The following CCDC171 variants were observed in gnomAD, a reference collection of about 807,000 sequenced individuals.
CCDC171 encodes the protein coiled-coil domain-containing protein 171.
Under a neutral mutation model 168.2 loss-of-function variants are expected in CCDC171, and 177 were observed. The observed-to-expected ratio is 1.05, with a 90% CI of 0.93 to 1.19. The LOEUF (loss-of-function observed/expected upper bound fraction) is 1.19, where lower values mean the gene tolerates loss of function less well. CCDC171 is among the 50% of genes most tolerant of loss of function. CCDC171 has a pLI of 0.00. For synonymous variants in CCDC171, 687 were observed against 540.8 expected (o/e 1.27, Z -3.75); for missense variants, 1,991 against 1,539.0 (o/e 1.29, Z -4.91).
At chr9:15,669,050 T>C (rs2048925784) in intron 9 of CCDC171, among the ~76,000 whole-genome samples, 1 of 152,120 alleles carries the variant, frequency 6.6e-6, no homozygotes, top group African/African-American at 2.4e-5. Flanking sequence ...AACCTGCCAT[T>C]GGTTAAGGTT....
intron 23 of CCDC171, among the ~76,000 whole-genome samples, chr9:15,854,173 A>T (rs1487647588): frequency 6.6e-6 from 1 of 150,892 alleles, no homozygotes; most frequent in African/African-American, 2.4e-5. Context: ...TTTGAGAGAG[A>T]TTAGTGTTAA....
At chr9:15,934,411 G>GA (rs1826878727) in intron 25 of CCDC171, among the ~76,000 whole-genome samples, 2 of 144,146 alleles carry the variant, frequency 1.4e-5, no homozygotes, top group African/African-American at 5.1e-5. Context: ...AAAAAGAAAA[G>GA]AAAAGAAAGA....
At chr9:15,751,903 A>G (rs2055770480) in intron 18 of CCDC171, among the ~76,000 whole-genome samples, 1 of 152,232 alleles carries the variant, frequency 6.6e-6, no homozygotes, top group Non-Finnish European at 1.5e-5. Flanking sequence ...GCTAAAATAG[A>G]CAAATGGAAT....
chr9:15,687,301 A>G (rs1038099620), intron 10 of CCDC171, among the ~76,000 whole-genome samples: 6 of 151,968 alleles, frequency 3.9e-5, no homozygotes, highest in African/African-American at 9.7e-5. Context: ...TCTATATTCA[A>G]AAAAAATACT....
At chr9:15,594,826 C>CA (rs1398359123) in intron 6 of CCDC171, among the ~76,000 whole-genome samples, 1 of 152,112 alleles carries the variant, frequency 6.6e-6, no homozygotes, top group Non-Finnish European at 1.5e-5. Context: ...AGGAGAAACT[C>CA]AAACTAGTGT....
At chr9:15,934,137 A>G (rs374961969) in intron 25 of CCDC171, among the ~76,000 whole-genome samples, 1 of 151,824 alleles carries the variant, frequency 6.6e-6, no homozygotes, top group African/African-American at 2.4e-5. Flanking sequence ...TCCATAGAAG[A>G]TATGCAAATG....
chr9:15,646,465 T>C (rs938026356), intron 7 of CCDC171, among the ~76,000 whole-genome samples: 5 of 152,138 alleles, frequency 3.3e-5, no homozygotes, highest in African/African-American at 1.2e-4. Context: ...GCAAATTGGA[T>C]AAAGATTCAA....
At chr9:15,846,902 A>G (rs955836630) in intron 22 of CCDC171, 55 bp downstream of exon 22, 128 of 1,488,584 alleles carry the variant, frequency 8.6e-5, no homozygotes, top group African/African-American at 7.0e-5. Context: ...ATCAATTCTT[A>G]CTTTCATGCT....
downstream of CCDC171, among the ~76,000 whole-genome samples, chr9:16,065,679 C>A (rs1211879194): frequency 1.3e-5 from 2 of 152,126 alleles, no homozygotes; most frequent in Non-Finnish European, 2.9e-5. Flanking sequence ...TTATTCACTC[C>A]AAGAGAACTC....
intron 25 of CCDC171, among the ~76,000 whole-genome samples, chr9:15,955,135 A>G (rs1273671386): frequency 6.6e-6 from 1 of 152,128 alleles, no homozygotes; most frequent in Non-Finnish European, 1.5e-5. Context: ...TGTGTCAAGG[A>G]TCAGCCTGAG....
intron 18 of CCDC171, among the ~76,000 whole-genome samples, chr9:15,761,485 T>C (rs2056442216): frequency 6.6e-6 from 1 of 152,308 alleles, no homozygotes; most frequent in East Asian, 1.9e-4. Flanking sequence ...AAGGGCATTG[T>C]CATCAACTGG....
At chr9:15,916,530 A>C (rs1824546087) in intron 24 of CCDC171, among the ~76,000 whole-genome samples, 1 of 152,066 alleles carries the variant, frequency 6.6e-6, no homozygotes, top group Admixed American at 6.6e-5. Flanking sequence ...TTTGGCATGT[A>C]GGCTTTATGA....
the CCDC171 span, among the ~76,000 whole-genome samples, chr9:16,077,035 T>C: frequency 2.0e-5 from 3 of 152,204 alleles, no homozygotes; most frequent in Non-Finnish European, 4.4e-5. Context: ...CCAACAATAA[T>C]GCAACAGGCA....
intron 9 of CCDC171, among the ~76,000 whole-genome samples, chr9:15,669,646 C>T (rs1021905679): frequency 6.6e-6 from 1 of 152,084 alleles, no homozygotes; most frequent in Non-Finnish European, 1.5e-5. Flanking sequence ...TTAGCTGTGA[C>T]AACTGATTGC....
At chr9:15,863,774 C>G (rs1256969740) in intron 23 of CCDC171, among the ~76,000 whole-genome samples, 6 of 152,004 alleles carry the variant, frequency 3.9e-5, no homozygotes, top group Admixed American at 3.9e-4. Flanking sequence ...ATGAGCTATA[C>G]TTTCTTTTTT....
At chr9:15,628,405 C>G (rs1461608101) in intron 7 of CCDC171, among the ~76,000 whole-genome samples, 3 of 152,164 alleles carry the variant, frequency 2.0e-5, no homozygotes, top group Non-Finnish European at 4.4e-5. Context: ...GGGTCCTGTG[C>G]CCATGGAGTC....
intron 7 of CCDC171, among the ~76,000 whole-genome samples, chr9:15,640,076 G>A (rs548632825): frequency 9.2e-5 from 14 of 152,118 alleles, no homozygotes; most frequent in Non-Finnish European, 2.1e-4. Context: ...GACCTATATA[G>A]TAAAATAAGT....
At position 15,899,016 on chromosome 9, in the gene CCDC171, C is replaced by T. The variant is rs186949142; in HGVS notation, c.3601-21254C>T. On this transcript the variant is annotated intron_variant, in intron 24 of 25. Transcript: ENST00000380701. ...ACTCATAGCAGCCACTAAATAGTTT[C>T]CATTTCTATAAGTTTGTCATTTCAA... 1.4e-4 allele frequency among the ~76,000 whole-genome samples: 22 copies of T among 152,246 alleles called. No homozygotes were observed. In the East Asian group the frequency reaches 4.2e-3, roughly 29 times the overall value.
chr9:15,946,189 G>A (rs1343923076), intron 25 of CCDC171, among the ~76,000 whole-genome samples: 1 of 151,806 alleles, frequency 6.6e-6, no homozygotes, highest in African/African-American at 2.4e-5. Flanking sequence ...TCAGATAGTT[G>A]TAGATATATG....
Sources: allele counts gnomAD v4.1 joint callset (sites outside exome capture counted in the v4.1 genomes callset), GRCh38; gene constraint gnomAD v4.1.1; transcripts MANE v1.5; gene names NCBI Gene and HGNC (gene_info 2026-07-23, HGNC 2026-07-21).